AFAP1: variants seen among roughly 807,000 people sequenced by gnomAD.
AFAP1 encodes the protein actin filament-associated protein 1.
AFAP1 carries 75 observed loss-of-function variants against 93.9 expected under a neutral mutation model. The observed-to-expected ratio is 0.80, with a 90% CI of 0.66 to 0.97. The LOEUF is 0.97. Among genes scored for constraint, AFAP1 ranks in the 50% least tolerant of loss-of-function variants. The pLI, the probability that AFAP1 is intolerant of heterozygous loss-of-function variation, is 0.00. For missense variants in AFAP1, 1,201 were observed against 1,050.8 expected (o/e 1.14, Z -1.98); for synonymous variants, 517 against 430.7 (o/e 1.20, Z -2.48).
intron 1 of AFAP1, among the ~76,000 whole-genome samples, chr4:7,880,278 C>CTTTTTTTTTT (rs35346388): frequency 8.3e-6 from 1 of 120,550 alleles, no homozygotes. Context: ...ACCCAAATGC[C>CTTTTTTTTTT]TTTTTTTTTT....
At chr4:7,834,330 TG>T (rs560222183) in intron 6 of AFAP1, among the ~76,000 whole-genome samples, 275 of 152,150 alleles carry the variant, frequency 1.8e-3, no homozygotes, top group Non-Finnish European at 3.4e-3. Context: ...CTGTGGGGAA[TG>T]ACACAATAGA....
At chr4:7,840,737 G>C (rs1476800332) in intron 5 of AFAP1, among the ~76,000 whole-genome samples, 1 of 152,168 alleles carries the variant, frequency 6.6e-6, no homozygotes, top group Non-Finnish European at 1.5e-5. Context: ...AGATTTTTAT[G>C]AATGTTGACC....
At position 7,939,637 on chromosome 4, in the gene AFAP1, G is replaced by A; in HGVS notation, c.-3+19C>T. The A allele has an allele frequency of 2.4e-6, 1 of 415,590 alleles. No individual in the cohort carries two copies. Among genetic ancestry groups the A allele is most frequent in the Admixed American group, 2.6e-5 (1 of 37,962 alleles). The allele number at this position is 415,590 out of a possible 1,614,324, so 25.7% of individuals were successfully genotyped here. ...CCCCGCCGGGTCCGGAGACCCTGCC[G>A]CCAGTCGCGCCGTCTCACCTCAGGC... On this transcript the variant is annotated intron_variant, in intron 1 of 17. Coordinates refer to ENST00000420658, the MANE Select transcript of AFAP1 (RefSeq NM_001134647.2). The surrounding 1 kb of genome is among the most constrained non-coding windows in gnomAD (Gnocchi z 5.6).
In AFAP1 at chr4:7,778,771, T is replaced by C; in HGVS notation, c.1888A>G (p.Thr630Ala). 1 of 1,614,054 alleles carries C rather than the reference T, an allele frequency of 6.2e-7. No homozygotes were observed. The highest frequency in any genetic ancestry group is 1.1e-5 in the South Asian group (1 of 91,082). ...KADPAAVVKR[T>A]GSNAAQYKYG... is the part of the protein sequence containing the mutation. ...CCGATGGTATACTTACTCGAACCCG[T>C]CCTTTTCACAACAGCCGCGGGATCC... The change falls in exon 14 of 18, where the codon ACG (threonine) becomes GCG (alanine). Residue 630 changes from threonine (T) to alanine (A), a missense_variant. Coordinates refer to ENST00000420658, the MANE Select transcript of AFAP1 (RefSeq NM_001134647.2).
At chr4:7,833,379 G>A (rs117390449) in intron 6 of AFAP1, among the ~76,000 whole-genome samples, 3,849 of 152,130 alleles carry the variant, frequency 0.025, 154 homozygotes, top group African/African-American at 0.078. Context: ...TATAGAAATG[G>A]CCAACAAACA....
intron 6 of AFAP1, among the ~76,000 whole-genome samples, chr4:7,832,270 G>C (rs1711718922): frequency 6.6e-6 from 1 of 151,820 alleles, no homozygotes; most frequent in Non-Finnish European, 1.5e-5. Flanking sequence ...GGGGAAAAAA[G>C]CTCTCCTGAA....
At chr4:7,922,689 T>A (rs927661871) in intron 1 of AFAP1, among the ~76,000 whole-genome samples, 1 of 152,102 alleles carries the variant, frequency 6.6e-6, no homozygotes, top group Non-Finnish European at 1.5e-5. Context: ...ATCTTAACAA[T>A]GAAAAATCAC....
chr4:7,880,580 A>C (rs1323236891), intron 1 of AFAP1, among the ~76,000 whole-genome samples: 1 of 152,046 alleles, frequency 6.6e-6, no homozygotes, highest in Non-Finnish European at 1.5e-5. Context: ...ACCCGGCCCA[A>C]ATGCCTTTAT....
chr4:7,885,250 C>T (rs1291877389), intron 1 of AFAP1, among the ~76,000 whole-genome samples: 1 of 152,228 alleles, frequency 6.6e-6, no homozygotes, highest in African/African-American at 2.4e-5. Flanking sequence ...TTATGTGTCA[C>T]ACTTCAGGCC....
chr4:7,913,287 G>A (rs973409679), intron 1 of AFAP1, among the ~76,000 whole-genome samples: 1 of 151,772 alleles, frequency 6.6e-6, no homozygotes, highest in African/African-American at 2.4e-5. Context: ...CTACTTGGGA[G>A]GCTGAGGTGG....
At chr4:7,931,443 G>C (rs751613681) in intron 1 of AFAP1, among the ~76,000 whole-genome samples, 4 of 152,122 alleles carry the variant, frequency 2.6e-5, no homozygotes, top group Non-Finnish European at 5.9e-5. Context: ...TCAGGCTGGA[G>C]TGCTGTGGTG....
chr4:7,806,415 T>G (rs1719520074), intron 9 of AFAP1, among the ~76,000 whole-genome samples: 1 of 152,092 alleles, frequency 6.6e-6, no homozygotes, highest in South Asian at 2.1e-4. Flanking sequence ...GGGGAACGGC[T>G]GACCCAGCTG....
At chr4:7,820,875 T>G (rs1344623796) in intron 6 of AFAP1, among the ~76,000 whole-genome samples, 1 of 152,040 alleles carries the variant, frequency 6.6e-6, no homozygotes, top group East Asian at 1.9e-4. Flanking sequence ...TCCCAATGCT[T>G]TGGGAGGCTG....
At position 7,759,115 on chromosome 4, in the gene AFAP1, T is replaced by C. The variant is rs977233259; in HGVS notation, c.*4650A>G. ...TTTTACAACGTATCACCATGGTCAA[T>C]TAATTCTGAATATCACTTAAAAGTT... On this transcript the variant is annotated 3_prime_UTR_variant, in exon 18 of 18. Transcript: ENST00000420658. 1 of 152,662 alleles carries C rather than the reference T, an allele frequency of 6.6e-6. No homozygotes were observed. Among genetic ancestry groups the C allele is most frequent in the African/African-American group, 2.4e-5 (1 of 41,460 alleles). 9.5% of individuals were successfully genotyped at this position (152,662 alleles called of 1,614,324 possible).
At chr4:7,821,793 T>C (rs986625302) in intron 6 of AFAP1, among the ~76,000 whole-genome samples, 3 of 152,146 alleles carry the variant, frequency 2.0e-5, no homozygotes, top group African/African-American at 7.2e-5. Context: ...TGGGATTAAA[T>C]CCAAGGCCTG....
intron 3 of AFAP1, among the ~76,000 whole-genome samples, chr4:7,856,932 A>G (rs931961253): frequency 1.3e-5 from 2 of 152,224 alleles, no homozygotes; most frequent in Non-Finnish European, 2.9e-5. Flanking sequence ...CTATTACCTT[A>G]TATTTTACAG....
rs1416651390 is a variant in AFAP1 at position 7,854,229 on chromosome 4, TA to T, written c.334+1236del. Among the ~76,000 whole-genome samples the T allele has an allele frequency of 3.9e-5, 6 of 152,340 alleles. No homozygotes were observed. The East Asian group carries it at 1.2e-3, about 29-fold the overall frequency. ...ATCTACTGTCTTCTTAAAGAGTTGG[TA>T]AATTATTCTCAAAATCGAAAAATCC... On this transcript the variant is annotated intron_variant, in intron 4 of 17. Transcript: ENST00000420658.
At chr4:7,908,894 T>A (rs1350170309) in intron 1 of AFAP1, among the ~76,000 whole-genome samples, 2 of 150,630 alleles carry the variant, frequency 1.3e-5, no homozygotes, top group African/African-American at 4.9e-5. Context: ...AAGGTGCACA[T>A]AGCCACGTGC....
At chr4:7,802,184 C>T (rs1719111000) in intron 9 of AFAP1, among the ~76,000 whole-genome samples, 1 of 152,232 alleles carries the variant, frequency 6.6e-6, no homozygotes, top group East Asian at 1.9e-4. Flanking sequence ...TCTACCAACA[C>T]ACACTGAAGA....
Sources: gnomAD v4.1 joint callset for allele counts (sites outside exome capture counted in the v4.1 genomes callset) on GRCh38, gnomAD v4.1.1 for gene constraint, Gnocchi (gnomAD v3.1) non-coding constraint, MANE v1.5 for transcripts, NCBI Gene and HGNC (gene_info 2026-07-23, HGNC 2026-07-21) for gene names.